Variants in ZFR observed in about 807,000 individuals in gnomAD.
ZFR encodes the protein zinc finger RNA binding protein.
A neutral mutation model predicts 130.7 loss-of-function variants in ZFR; 19 were observed. That is an observed-to-expected ratio of 0.15 (90% CI 0.10 to 0.21). The LOEUF (loss-of-function observed/expected upper bound fraction) is 0.21. ZFR is among the 10% of genes least tolerant of loss of function. The probability of loss-of-function intolerance (pLI) is 1.00; values close to 1 mark genes in which losing one functional copy is unlikely to be tolerated. For synonymous variants in ZFR, 466 were observed against 456.9 expected (o/e 1.02, Z -0.25); for missense variants, 872 against 1,321.5 (o/e 0.66, Z 5.27).
chr5:32,403,207 G>A lies in ZFR; in HGVS notation c.1415C>T (p.Thr472Ile). 1 of 1,614,186 alleles carries A rather than the reference G, an allele frequency of 6.2e-7. No individual in the cohort carries two copies. The highest frequency in any genetic ancestry group is 8.5e-7 in the Non-Finnish European group (1 of 1,180,016). Reference protein sequence around the residue: ...ATSSMKGLTTTGNSSLNSTSN... With the variant: ...ATSSMKGLTTIGNSSLNSTSN... ...TGTGCTATTAAGAGACGAGTTTCCT[G>A]TAGTCGTAAGACCCTTCATTGAAGA... Residue 472 changes from threonine to isoleucine, a missense_variant, in exon 8 of 20, where the codon ACA becomes ATA. Physicochemically the swap from Thr to Ile is moderately conservative, Grantham distance 89. This residue lies in a region of ZFR where 143 missense variants were observed against 137.9 expected (regional missense o/e 1.04). Transcript: ENST00000265069.
At chr5:32,399,884 T>A in intron 9 of ZFR, 123 bp downstream of exon 9, 1 of 891,636 alleles carries the variant, frequency 1.1e-6, no homozygotes. Flanking sequence ...TCCTTTAATA[T>A]TCTTTAAGTA....
intron 19 of ZFR, among the ~76,000 whole-genome samples, chr5:32,357,141 C>A (rs899589893): frequency 6.6e-6 from 1 of 151,890 alleles, no homozygotes; most frequent in East Asian, 1.9e-4. Context: ...CACCAACACA[C>A]CTGGCTCATT....
chr5:32,415,525 C>T lies in ZFR; in HGVS notation c.566-338G>A, dbSNP rs544661270. Among the ~76,000 whole-genome samples the T allele has an allele frequency of 4.4e-4, 59 of 133,752 alleles. No individual in the cohort carries two copies. The South Asian group carries it at 4.6e-3, about 10-fold the overall frequency. 87.7% of individuals were successfully genotyped at this position (133,752 alleles called of 152,430 possible). ...GTGTGTGTGTGTGTGTGCGCGCGCG[C>T]GCGCGCGCACTAGTCAGTCTACTTC... On this transcript the variant is annotated intron_variant, in intron 4 of 19. Coordinates refer to ENST00000265069, the MANE Select transcript of ZFR (RefSeq NM_016107.5).
chr5:32,442,726 T>C (rs1754501739), intron 2 of ZFR, among the ~76,000 whole-genome samples: 1 of 152,246 alleles, frequency 6.6e-6, no homozygotes, highest in South Asian at 2.1e-4. Context: ...CAGCATTTTT[T>C]TTTAGTGCTA....
At chr5:32,392,664 C>T (rs903718713) in intron 11 of ZFR, among the ~76,000 whole-genome samples, 11 of 152,138 alleles carry the variant, frequency 7.2e-5, no homozygotes, top group African/African-American at 2.4e-4. Flanking sequence ...CAAGTGGTCC[C>T]GGAGACCCTT....
intron 2 of ZFR, among the ~76,000 whole-genome samples, 178 bp downstream of exon 2, chr5:32,444,051 C>T (rs1426076752): frequency 7.8e-6 from 1 of 128,612 alleles, no homozygotes; most frequent in Admixed American, 7.9e-5. Flanking sequence ...CGGGCCGGGC[C>T]GGGCAAGGCG....
intron 2 of ZFR, among the ~76,000 whole-genome samples, chr5:32,437,179 T>C (rs946151853): frequency 6.6e-6 from 1 of 152,180 alleles, no homozygotes; most frequent in Non-Finnish European, 1.5e-5. Flanking sequence ...TACCTCAAAC[T>C]CCATAGTCAA....
chr5:32,396,854 C>T (rs2111756135), intron 10 of ZFR, among the ~76,000 whole-genome samples: 2 of 152,228 alleles, frequency 1.3e-5, no homozygotes, highest in Middle Eastern at 6.8e-3. Flanking sequence ...AACATATCAA[C>T]TCATCTCAAA....
At chr5:32,366,470 A>T (rs972997699) in intron 17 of ZFR, among the ~76,000 whole-genome samples, 1 of 152,242 alleles carries the variant, frequency 6.6e-6, no homozygotes, top group Non-Finnish European at 1.5e-5. Context: ...GCAGAAATTA[A>T]TTAAAAGTCA....
intron 19 of ZFR, among the ~76,000 whole-genome samples, chr5:32,357,666 A>C (rs1280989625): frequency 6.6e-6 from 1 of 152,216 alleles, no homozygotes; most frequent in Non-Finnish European, 1.5e-5. Flanking sequence ...AATATCCTTC[A>C]TGACTTCCTG....
chr5:32,377,820 T>C (rs1419824386), intron 17 of ZFR, among the ~76,000 whole-genome samples: 1 of 151,986 alleles, frequency 6.6e-6, no homozygotes, highest in Admixed American at 6.6e-5. Context: ...GCCTCCCGAG[T>C]AGCTTGGATT....
At chr5:32,432,429 G>A (rs967958721) in intron 2 of ZFR, among the ~76,000 whole-genome samples, 4 of 152,000 alleles carry the variant, frequency 2.6e-5, no homozygotes, top group Non-Finnish European at 4.4e-5. Flanking sequence ...CTTTTCATAC[G>A]CTTTTTGGCC....
chr5:32,387,551 C>T lies in ZFR; in HGVS notation c.2497G>A (p.Ala833Thr), dbSNP rs146415807. 2 of 1,611,816 alleles carry T rather than the reference C, an allele frequency of 1.2e-6. No individual in the cohort carries two copies. Among genetic ancestry groups the T allele is most frequent in the African/African-American group, 1.3e-5 (1 of 74,910 alleles). ...ATGAACATTTCCATAATACTTACAG[C>T]AAGCTGTTTGGGTAGGTTTTCTGCA... ...RIAENLPKQL[A>T]VISPEKYDIK... The change falls in exon 14 of 20, where the codon GCT becomes ACT. Residue 833 changes from alanine to threonine, a missense_variant and splice_region_variant. Transcript: ENST00000265069.
chr5:32,380,859 AG>A, intron 15 of ZFR, among the ~76,000 whole-genome samples: 1 of 151,858 alleles, frequency 6.6e-6, no homozygotes, highest in African/African-American at 2.4e-5. Context: ...CATGTTGGCC[AG>A]GCTGGTTTTT....
At position 32,414,993 on chromosome 5, in the gene ZFR, TG is replaced by T; in HGVS notation, c.759del (p.Tyr253Ter). 1 of 1,613,868 alleles carries T rather than the reference TG, an allele frequency of 6.2e-7. No homozygotes were observed. Reference protein sequence around the residue: ...VVPSYTQSATYSTTAVTYSGT... With the variant: ...VVPSYTQSATXSTTAVTYSGT... ...CCAGAATATGTAACTGCTGTGGTAC[TG>T]TAAGTAGCACTCTGAGTATAGGATG... On this transcript the variant is annotated frameshift_variant, in exon 5 of 20. Coordinates refer to ENST00000265069, the MANE Select transcript of ZFR (RefSeq NM_016107.5). LOFTEE classifies it high-confidence loss of function.
chr5:32,406,918 AGCAGCAGCTGCTGCTGCT>A lies in ZFR; in HGVS notation c.870_887del (p.Ala294_Ala299del). ...CTGTCCAGGCAGCTGTTGCAGCAGC[AGCAGCAGCTGCTGCTGCT>A]GCCTGCTTCTGTTGCTGCTGCTGCT... On this transcript the variant is annotated inframe_deletion, in exon 6 of 20. Transcript: ENST00000265069. The A allele has an allele frequency of 6.2e-7, 1 of 1,607,772 alleles. No individual in the cohort carries two copies. The highest frequency in any genetic ancestry group is 8.5e-7 in the Non-Finnish European group (1 of 1,178,494).
At chr5:32,402,797 A>C (rs753713906) in intron 8 of ZFR, among the ~76,000 whole-genome samples, 31 of 141,456 alleles carry the variant, frequency 2.2e-4, no homozygotes, top group East Asian at 6.2e-4. Context: ...AAAAAAAAAA[A>C]CAAAAAAAAC....
intron 2 of ZFR, among the ~76,000 whole-genome samples, chr5:32,437,702 T>A (rs1334808957): frequency 1.4e-5 from 2 of 147,446 alleles, no homozygotes; most frequent in Admixed American, 1.3e-4. Flanking sequence ...ATGTAGCTGA[T>A]TTTTTTTTTA....
intron 5 of ZFR, among the ~76,000 whole-genome samples, chr5:32,412,042 T>C (rs550276025): frequency 5.9e-5 from 9 of 152,292 alleles, no homozygotes; most frequent in Non-Finnish European, 1.2e-4. Flanking sequence ...AGGATCAATG[T>C]GAAAGGATTT....
Sources: gnomAD v4.1 joint callset for allele counts (sites outside exome capture counted in the v4.1 genomes callset) on GRCh38, gnomAD v4.1.1 for gene constraint, gnomAD v4.1.1 regional missense constraint, MANE v1.5 for transcripts, NCBI Gene and HGNC (gene_info 2026-07-23, HGNC 2026-07-21) for gene names.